Variants in NEDD4L observed in about 807,000 individuals in gnomAD.
NEDD4L encodes the protein NEDD4 like E3 ubiquitin protein ligase.
A neutral mutation model predicts 148.9 loss-of-function variants in NEDD4L; 54 were observed. The observed-to-expected ratio is 0.36, with a 90% CI of 0.29 to 0.45. NEDD4L has a LOEUF of 0.45. NEDD4L is among the 20% of genes least tolerant of loss of function. The pLI, the probability that NEDD4L is intolerant of heterozygous loss-of-function variation, is 1.00. For missense variants in NEDD4L, 856 were observed against 1,233.8 expected (o/e 0.69, Z 4.59); for synonymous variants, 433 against 440.7 (o/e 0.98, Z 0.22).
intron 5 of NEDD4L, among the ~76,000 whole-genome samples, chr18:58,260,555 G>A (rs1441840780): frequency 1.3e-5 from 2 of 152,154 alleles, no homozygotes; most frequent in African/African-American, 2.4e-5. Flanking sequence ...GTGAAATGGT[G>A]TTATTTCACT....
intron 1 of NEDD4L, among the ~76,000 whole-genome samples, chr18:58,085,902 G>A (rs2145201722): frequency 6.6e-6 from 1 of 152,318 alleles, no homozygotes. Flanking sequence ...AATCATTTAT[G>A]TGAGGTCAGA....
At chr18:58,277,018 G>A (rs929085729) in intron 5 of NEDD4L, among the ~76,000 whole-genome samples, 4 of 152,076 alleles carry the variant, frequency 2.6e-5, no homozygotes, top group Admixed American at 2.0e-4. Context: ...GCCAGGCTCC[G>A]GGTTGGCTGT....
chr18:58,168,513 G>C (rs938475408), intron 2 of NEDD4L, among the ~76,000 whole-genome samples: 1 of 152,122 alleles, frequency 6.6e-6, no homozygotes, highest in Non-Finnish European at 1.5e-5. Flanking sequence ...GACTTCTGTC[G>C]GCAGCAGCTC....
chr18:58,381,804 C>T (rs1376763638), intron 24 of NEDD4L, among the ~76,000 whole-genome samples: 1 of 152,152 alleles, frequency 6.6e-6, no homozygotes, highest in Non-Finnish European at 1.5e-5. Context: ...CACGAACTGG[C>T]AGAGTTTCAC....
chr18:58,276,694 A>AT (rs367992185), intron 5 of NEDD4L, among the ~76,000 whole-genome samples: 107 of 97,834 alleles, frequency 1.1e-3, no homozygotes, highest in African/African-American at 2.9e-3. Context: ...AATAATAATA[A>AT]TATTATTATT....
At chr18:58,300,529 G>A (rs1453935016) in intron 5 of NEDD4L, among the ~76,000 whole-genome samples, 1 of 152,224 alleles carries the variant, frequency 6.6e-6, no homozygotes, top group Non-Finnish European at 1.5e-5. Flanking sequence ...CATCCAAAAA[G>A]GTTCAGGGCC....
intron 5 of NEDD4L, among the ~76,000 whole-genome samples, chr18:58,274,994 C>T (rs2051655498): frequency 6.6e-6 from 1 of 152,154 alleles, no homozygotes; most frequent in Non-Finnish European, 1.5e-5. Flanking sequence ...AGTTGTAAAT[C>T]ATACCTACAT....
At chr18:58,369,810 C>T (rs914223532) in intron 22 of NEDD4L, among the ~76,000 whole-genome samples, 9 of 152,214 alleles carry the variant, frequency 5.9e-5, no homozygotes, top group African/African-American at 1.2e-4. Context: ...AGGCCTCTGC[C>T]GTCCCTCCGC....
chr18:58,083,965 A>C (rs62096163), intron 1 of NEDD4L, among the ~76,000 whole-genome samples: 2 of 152,158 alleles, frequency 1.3e-5, no homozygotes, highest in African/African-American at 2.4e-5. Flanking sequence ...TCCTGACCTC[A>C]GGTGATCCAC....
intron 5 of NEDD4L, among the ~76,000 whole-genome samples, chr18:58,274,269 G>A (rs1186753026): frequency 6.6e-6 from 1 of 152,198 alleles, no homozygotes; most frequent in Non-Finnish European, 1.5e-5. Flanking sequence ...TTAGTAAGTG[G>A]CTGTCGTGTT....
intron 5 of NEDD4L, among the ~76,000 whole-genome samples, chr18:58,313,421 A>G (rs1463155838): frequency 6.6e-6 from 1 of 152,234 alleles, no homozygotes; most frequent in Non-Finnish European, 1.5e-5. Context: ...GCAAATAAGC[A>G]TTTTACCAGA....
At chr18:58,370,500 C>G (rs1324549265) in intron 23 of NEDD4L, 33 bp downstream of exon 23, 1 of 1,405,440 alleles carries the variant, frequency 7.1e-7, no homozygotes, top group South Asian at 1.2e-5. Context: ...CTGGCCATCA[C>G]CGGGCACTCG....
intron 1 of NEDD4L, chr18:58,046,509 A>T (rs1175644062): frequency 5.3e-5 from 8 of 152,270 alleles, no homozygotes; most frequent in African/African-American, 1.7e-4. Context: ...CGATTTTAAG[A>T]GTGTTTTGGG....
At chr18:58,238,569 G>A (rs972869888) in intron 2 of NEDD4L, among the ~76,000 whole-genome samples, 8 of 152,258 alleles carry the variant, frequency 5.3e-5, no homozygotes, top group African/African-American at 1.7e-4. Flanking sequence ...GTATATGATT[G>A]TACCATAATT....
intron 2 of NEDD4L, among the ~76,000 whole-genome samples, chr18:58,193,121 A>C (rs1382278414): frequency 6.6e-6 from 1 of 152,160 alleles, no homozygotes; most frequent in Non-Finnish European, 1.5e-5. Flanking sequence ...GATTTGAGTC[A>C]TTTTATTTAG....
chr18:58,301,011 G>T (rs1381445762), intron 5 of NEDD4L, among the ~76,000 whole-genome samples: 1 of 152,132 alleles, frequency 6.6e-6, no homozygotes, highest in African/African-American at 2.4e-5. Context: ...TTGAATCGCC[G>T]AGTCTTAGCC....
chr18:58,110,753 C>G (rs1837431993), intron 1 of NEDD4L, among the ~76,000 whole-genome samples: 1 of 152,180 alleles, frequency 6.6e-6, no homozygotes, highest in South Asian at 2.1e-4. Context: ...GAGACCAAAC[C>G]TTGCTCATTT....
At chr18:58,101,189 A>T (rs571730) in intron 1 of NEDD4L, among the ~76,000 whole-genome samples, 47,208 of 151,984 alleles carry the variant, frequency 0.31, 10,650 homozygotes, top group African/African-American at 0.64. Flanking sequence ...GTCTTTTTCT[A>T]TCAGATGAAA....
chr18:58,241,156 A>T (rs1340183413), intron 2 of NEDD4L, among the ~76,000 whole-genome samples: 2 of 152,196 alleles, frequency 1.3e-5, no homozygotes, highest in Non-Finnish European at 1.5e-5. Context: ...GCCAAGCACT[A>T]TTATAATTTG....
Sources: allele counts gnomAD v4.1 joint callset (sites outside exome capture counted in the v4.1 genomes callset), GRCh38; gene constraint gnomAD v4.1.1; transcripts MANE v1.5; gene names NCBI Gene and HGNC (gene_info 2026-07-23, HGNC 2026-07-21).